ANGPT1: variants seen among roughly 807,000 people sequenced by gnomAD.
The protein encoded by ANGPT1 is angiopoietin 1, also known as angiopoietin-1.
In ANGPT1, 17 loss-of-function variants were observed where a neutral mutation model predicts 62.2. The ratio of observed to expected loss-of-function variants is 0.27; its 90% CI spans 0.19 to 0.41. The LOEUF is 0.41. Among genes scored for constraint, ANGPT1 ranks in the 10% least tolerant of loss-of-function variants. The pLI, the probability that ANGPT1 is intolerant of heterozygous loss-of-function variation, is 1.00. For synonymous variants in ANGPT1, 199 were observed against 198.9 expected, an observed-to-expected ratio of 1.00 and a Z score of 0.00; for missense variants, 478 against 594.9, an observed-to-expected ratio of 0.80 and a Z score of 2.04.
chr8:107,282,180 T>C (rs1814023597), intron 7 of ANGPT1, among the ~76,000 whole-genome samples: 1 of 152,030 alleles, frequency 6.6e-6, no homozygotes, highest in African/African-American at 2.4e-5. Context: ...GTAAGCATTA[T>C]GTTTTAATGA....
chr8:107,411,035 CAT>C (rs1298941850), intron 1 of ANGPT1, among the ~76,000 whole-genome samples: 1 of 152,062 alleles, frequency 6.6e-6, no homozygotes, highest in Non-Finnish European at 1.5e-5. Flanking sequence ...TGAACAAAAT[CAT>C]AGGATAAAAA....
rs1187398482 is a variant in ANGPT1, at chr8:107,380,083, G to A, written c.298-32986C>T. 4.6e-5 allele frequency among the ~76,000 whole-genome samples: 7 copies of A among 152,096 alleles called. No individual in the cohort carries two copies. The South Asian group carries it at 6.2e-4, about 14-fold the overall frequency. The stretch of plus-strand genomic sequence containing the variant: ...CTTCATCATCAGATACTACAGCCCC[G>A]GGATAGCCTGGTCTGGAAATGTGGT... On this transcript the variant is annotated intron_variant, in intron 1 of 8. Transcript: ENST00000517746.
rs5893848 is a variant in ANGPT1, at chr8:107,358,376, ATTT to A, written c.298-11282_298-11280del. Among the ~76,000 whole-genome samples the A allele has an allele frequency of 3.9e-3, 586 of 149,946 alleles. 6 individuals carry two copies. Among genetic ancestry groups the A allele is most frequent in the African/African-American group, 0.014 (564 of 41,130 alleles). On this transcript the variant is annotated intron_variant, in intron 1 of 8. Coordinates refer to ENST00000517746, the MANE Select transcript of ANGPT1 (RefSeq NM_001146.5). Reference sequence around the variant, plus strand: ...ATCTTATAAATGCAATAAAATCCCTATTTTTTTTTTTCTCCCTTTGATCAAAGG... The same window carrying A: ...ATCTTATAAATGCAATAAAATCCCTATTTTTTTTCTCCCTTTGATCAAAGG...
intron 1 of ANGPT1, among the ~76,000 whole-genome samples, chr8:107,458,357 T>C (rs531623272): frequency 1.3e-5 from 2 of 152,170 alleles, no homozygotes; most frequent in African/African-American, 2.4e-5. Flanking sequence ...CTTGTGATAT[T>C]AATAAATCTG....
chr8:107,429,184 A>G (rs1026997489), intron 1 of ANGPT1, among the ~76,000 whole-genome samples: 1 of 152,224 alleles, frequency 6.6e-6, no homozygotes, highest in Admixed American at 6.5e-5. Flanking sequence ...CACAATGTCA[A>G]GCTGTGACAT....
At chr8:107,405,376 C>T (rs1006932536) in intron 1 of ANGPT1, among the ~76,000 whole-genome samples, 1 of 151,754 alleles carries the variant, frequency 6.6e-6, no homozygotes, top group African/African-American at 2.4e-5. Flanking sequence ...AGTTGAACAT[C>T]CCTAACCTAA....
chr8:107,472,308 C>A (rs1586351219), intron 1 of ANGPT1, among the ~76,000 whole-genome samples: 1 of 152,094 alleles, frequency 6.6e-6, no homozygotes, highest in East Asian at 1.9e-4. Context: ...TTCTGTCTTC[C>A]ATTACAGTGC....
chr8:107,280,219 A>G (rs1813970718), intron 7 of ANGPT1, among the ~76,000 whole-genome samples: 1 of 148,832 alleles, frequency 6.7e-6, no homozygotes, highest in Non-Finnish European at 1.5e-5. Flanking sequence ...TTTTTTTTTG[A>G]GATGGCGTTT....
chr8:107,409,571 T>A (rs1817217556), intron 1 of ANGPT1, among the ~76,000 whole-genome samples: 1 of 152,144 alleles, frequency 6.6e-6, no homozygotes, highest in African/African-American at 2.4e-5. Flanking sequence ...TTTCTCCCCA[T>A]CAAAAGTCCC....
intron 1 of ANGPT1, among the ~76,000 whole-genome samples, chr8:107,460,711 C>G (rs995138249): frequency 6.6e-6 from 1 of 152,126 alleles, no homozygotes; most frequent in Admixed American, 6.6e-5. Flanking sequence ...GGAAAAAGAG[C>G]ATTTAATTCA....
At chr8:107,298,446 C>G (rs1814472887) in intron 5 of ANGPT1, among the ~76,000 whole-genome samples, 1 of 151,648 alleles carries the variant, frequency 6.6e-6, no homozygotes, top group African/African-American at 2.4e-5. Context: ...GTCTTGTTTC[C>G]TACTACTATA....
chr8:107,315,776 C>A (rs1814999833), intron 4 of ANGPT1, among the ~76,000 whole-genome samples: 1 of 152,142 alleles, frequency 6.6e-6, no homozygotes, highest in East Asian at 1.9e-4. Context: ...GTGCTTATAT[C>A]CTTGCATTTT....
chr8:107,351,710 T>C (rs773984834), intron 1 of ANGPT1, among the ~76,000 whole-genome samples: 13 of 152,064 alleles, frequency 8.5e-5, no homozygotes, highest in Non-Finnish European at 1.3e-4. Flanking sequence ...GCCAGGTATG[T>C]GGAAAGTTTA....
chr8:107,471,542 C>G (rs1010272445), intron 1 of ANGPT1, among the ~76,000 whole-genome samples: 1 of 152,118 alleles, frequency 6.6e-6, no homozygotes, highest in Non-Finnish European at 1.5e-5. Context: ...TACCCCAGAA[C>G]TTAAAGCTAA....
chr8:107,318,174 G>C (rs1815065013), intron 4 of ANGPT1, among the ~76,000 whole-genome samples: 1 of 152,178 alleles, frequency 6.6e-6, no homozygotes, highest in South Asian at 2.1e-4. Context: ...TGCAGATGAA[G>C]GTTAGGCAAA....
intron 1 of ANGPT1, among the ~76,000 whole-genome samples, chr8:107,398,937 T>G (rs1384784384): frequency 2.0e-5 from 3 of 152,140 alleles, no homozygotes; most frequent in African/African-American, 7.2e-5. Context: ...GCTGTAGTAC[T>G]TAGCCAAATT....
Position 107,284,741 on chromosome 8 carries a change from C to T in ANGPT1, c.1146G>A (p.Gly382=). ...MLRIELMDWE[G]NRAYSQYDRF... ...TGTCATACTGTGAATAGGCTCGGTTCCCTTCCCAGTCCATTAACTCAATTC... is the reference window on the plus strand; with the variant it reads ...TGTCATACTGTGAATAGGCTCGGTTTCCTTCCCAGTCCATTAACTCAATTC... The change falls in exon 7 of 9, where the codon GGG becomes GGA. Residue 382 remains glycine (G), a synonymous_variant. Coordinates refer to ENST00000517746, the MANE Select transcript of ANGPT1 (RefSeq NM_001146.5). 6.2e-7 allele frequency: 1 copy of T among 1,610,862 alleles called. No homozygotes were observed. The highest frequency in any genetic ancestry group is 1.1e-5 in the South Asian group (1 of 90,624).
chr8:107,388,384 C>T (rs915909260), intron 1 of ANGPT1, among the ~76,000 whole-genome samples: 13 of 151,964 alleles, frequency 8.6e-5, no homozygotes, highest in African/African-American at 2.9e-4. Flanking sequence ...CACTGCGCTC[C>T]AGTTTAGGTG....
At chr8:107,454,597 T>C (rs1811865529) in intron 1 of ANGPT1, among the ~76,000 whole-genome samples, 2 of 152,008 alleles carry the variant, frequency 1.3e-5, no homozygotes, top group Non-Finnish European at 2.9e-5. Context: ...TACTTGCAAA[T>C]AGTATCACAT....
Sources: allele counts gnomAD v4.1 joint callset (sites outside exome capture counted in the v4.1 genomes callset), GRCh38; gene constraint gnomAD v4.1.1; transcripts MANE v1.5; gene names NCBI Gene and HGNC (gene_info 2026-07-23, HGNC 2026-07-21).